Variants in KCNIP4 observed in about 807,000 individuals in gnomAD.
KCNIP4 encodes potassium voltage-gated channel interacting protein 4.
Under a neutral mutation model 34.0 loss-of-function variants are expected in KCNIP4, and 12 were observed. The observed-to-expected ratio is 0.35, with a 90% CI of 0.23 to 0.57. The LOEUF is 0.57. Among genes scored for constraint, KCNIP4 ranks in the 20% least tolerant of loss-of-function variants. The probability of loss-of-function intolerance (pLI) is 0.83; values close to 1 mark genes in which losing one functional copy is unlikely to be tolerated. For synonymous variants in KCNIP4, 124 were observed against 102.2 expected (o/e 1.21, Z -1.29); for missense variants, 238 against 311.7 (o/e 0.76, Z 1.78).
chr4:21,651,665 C>T (rs552238429), intron 1 of KCNIP4, among the ~76,000 whole-genome samples: 1 of 152,108 alleles, frequency 6.6e-6, no homozygotes, highest in Admixed American at 6.6e-5. Context: ...CTAATGAATT[C>T]TTTTACAAGA....
At chr4:21,178,976 C>G (rs942704410) in intron 1 of KCNIP4, among the ~76,000 whole-genome samples, 2 of 151,994 alleles carry the variant, frequency 1.3e-5, no homozygotes, top group Admixed American at 6.6e-5. Flanking sequence ...ACCACCATGC[C>G]CAGCTAATTT....
intron 4 of KCNIP4, among the ~76,000 whole-genome samples, chr4:20,755,628 G>A (rs1448803071): frequency 6.6e-6 from 1 of 152,176 alleles, no homozygotes; most frequent in Non-Finnish European, 1.5e-5. Flanking sequence ...TTATTGGATT[G>A]TCTCGAGTGC....
intron 1 of KCNIP4, among the ~76,000 whole-genome samples, chr4:21,367,472 T>TCCACTGTAGAATAAA (rs1578135561): frequency 4.0e-5 from 6 of 148,590 alleles, no homozygotes; most frequent in South Asian, 2.1e-4. Context: ...AGACTCTACC[T>TCCACTGTAGAATAAA]AACTGGACAT....
At chr4:21,800,680 G>A (rs1194752061) in intron 1 of KCNIP4, among the ~76,000 whole-genome samples, 2 of 152,098 alleles carry the variant, frequency 1.3e-5, no homozygotes, top group African/African-American at 2.4e-5. Context: ...AAAAAGAAAG[G>A]ACTGAGGCAA....
chr4:21,734,919 T>C (rs1012051761), intron 1 of KCNIP4, among the ~76,000 whole-genome samples: 2 of 152,070 alleles, frequency 1.3e-5, no homozygotes, highest in East Asian at 1.9e-4. Flanking sequence ...TCTTTCTTTA[T>C]GAAATAGAAT....
chr4:21,859,270 C>T (rs1237605534), intron 1 of KCNIP4, among the ~76,000 whole-genome samples: 11 of 152,090 alleles, frequency 7.2e-5, no homozygotes, highest in Admixed American at 6.5e-4. Flanking sequence ...GAGACAGACA[C>T]TTGACTTCCC....
Position 21,178,334 on chromosome 4 carries a change from G to A in KCNIP4, c.62-295625C>T, listed in dbSNP as rs116752360. ...AGTTAGAAAACATAAACATTGGTTG[G>A]AACGAAGATTTTGTTGTTGATGTTT... On this transcript the variant is annotated intron_variant, in intron 1 of 8. Transcript: ENST00000382152. Among the ~76,000 whole-genome samples, 949 of 152,226 alleles carry A rather than the reference G, an allele frequency of 6.2e-3. 11 individuals are homozygous for A. The highest frequency in any genetic ancestry group is 0.022 in the African/African-American group (901 of 41,538).
chr4:21,155,255 G>T (rs1392819810), intron 1 of KCNIP4, among the ~76,000 whole-genome samples: 1 of 152,212 alleles, frequency 6.6e-6, no homozygotes, highest in Non-Finnish European at 1.5e-5. Flanking sequence ...CTGTTACTTT[G>T]TGTTTTCTAT....
chr4:21,150,871 T>C (rs927785875), intron 1 of KCNIP4, among the ~76,000 whole-genome samples: 2 of 152,216 alleles, frequency 1.3e-5, no homozygotes, highest in Admixed American at 1.3e-4. Flanking sequence ...GGACTCAAGT[T>C]GGCCATTATT....
intron 1 of KCNIP4, among the ~76,000 whole-genome samples, chr4:21,318,948 G>A (rs1251536767): frequency 1.3e-5 from 2 of 152,078 alleles, no homozygotes; most frequent in African/African-American, 2.4e-5. Flanking sequence ...CTGTTAAAAA[G>A]GTTGAACTCC....
At chr4:21,751,908 T>C (rs758299824) in intron 1 of KCNIP4, among the ~76,000 whole-genome samples, 17 of 151,964 alleles carry the variant, frequency 1.1e-4, no homozygotes, top group Non-Finnish European at 2.4e-4. Flanking sequence ...GGAAAAGAAG[T>C]TCAAATAAAA....
intron 1 of KCNIP4, among the ~76,000 whole-genome samples, chr4:20,977,047 G>A (rs1268782215): frequency 6.6e-6 from 1 of 151,988 alleles, no homozygotes; most frequent in Non-Finnish European, 1.5e-5. Context: ...TGGTCAGGCT[G>A]GTCTCAAACT....
chr4:21,262,890 T>A (rs1224587963), intron 1 of KCNIP4, among the ~76,000 whole-genome samples: 5 of 152,252 alleles, frequency 3.3e-5, no homozygotes, highest in Non-Finnish European at 7.3e-5. Flanking sequence ...GGACATGGAC[T>A]GTATCCTTTT....
chr4:21,884,955 C>CG (rs1726680695), intron 1 of KCNIP4, among the ~76,000 whole-genome samples: 2 of 151,964 alleles, frequency 1.3e-5, no homozygotes, highest in South Asian at 4.2e-4. Context: ...GTAGCCTCCC[C>CG]CCCACTACTG....
At chr4:21,072,777 G>T (rs12502505) in intron 1 of KCNIP4, among the ~76,000 whole-genome samples, 1 of 151,792 alleles carries the variant, frequency 6.6e-6, no homozygotes. Flanking sequence ...TTATGGTTTT[G>T]GGTCTAACAT....
chr4:21,152,610 C>T (rs1752839290), intron 1 of KCNIP4, among the ~76,000 whole-genome samples: 2 of 151,720 alleles, frequency 1.3e-5, no homozygotes, highest in Admixed American at 1.3e-4. Context: ...CTCAGATATA[C>T]CCAGGAGATT....
Position 21,049,335 on chromosome 4 carries a change from A to G in KCNIP4, c.62-166626T>C, listed in dbSNP as rs79553730. 4.8e-3 allele frequency among the ~76,000 whole-genome samples: 738 copies of G among 152,304 alleles called. 4 individuals are homozygous for G. Among genetic ancestry groups the G allele is most frequent in the African/African-American group, 0.016 (670 of 41,572 alleles). On this transcript the variant is annotated intron_variant, in intron 1 of 8. Transcript: ENST00000382152. ...ACCCTCCAAATCCTTGACCCACAGAATAATATATAACAATAAATAAATGTT... is the reference window on the plus strand; with the variant it reads ...ACCCTCCAAATCCTTGACCCACAGAGTAATATATAACAATAAATAAATGTT...
At chr4:21,697,233 GACA>G (rs1241469294) in intron 1 of KCNIP4, 9 of 1,270,568 alleles carry the variant, frequency 7.1e-6, no homozygotes, top group African/African-American at 6.7e-5. Flanking sequence ...GCATTTTATT[GACA>G]ACATTAAAAA....
intron 1 of KCNIP4, among the ~76,000 whole-genome samples, chr4:21,458,144 TC>T (rs772229803): frequency 0.016 from 1,129 of 72,358 alleles, 10 homozygotes; most frequent in Middle Eastern, 0.074. Flanking sequence ...CCCTCCCCCC[TC>T]CCCCCACCCT....
Sources: gnomAD v4.1 joint callset for allele counts (sites outside exome capture counted in the v4.1 genomes callset) on GRCh38, gnomAD v4.1.1 for gene constraint, MANE v1.5 for transcripts, NCBI Gene and HGNC (gene_info 2026-07-23, HGNC 2026-07-21) for gene names.